Variants in MYO9B observed in about 807,000 individuals in gnomAD.
MYO9B encodes the protein unconventional myosin-IXb.
A neutral mutation model predicts 229.5 loss-of-function variants in MYO9B; 71 were observed. That is an observed-to-expected ratio of 0.31 (90% CI 0.26 to 0.38). The LOEUF is 0.38. Ranked by LOEUF, MYO9B falls within the 10% of genes least tolerant of loss-of-function variation. The pLI, the probability that MYO9B is intolerant of heterozygous loss-of-function variation, is 1.00. For synonymous variants in MYO9B, 1,185 were observed against 1,235.8 expected, an observed-to-expected ratio of 0.96 and a Z score of 0.86; for missense variants, 2,255 against 2,920.5, an observed-to-expected ratio of 0.77 and a Z score of 5.25.
At chr19:17,149,727 T>C (rs2072456219) in intron 3 of MYO9B, among the ~76,000 whole-genome samples, 1 of 152,164 alleles carries the variant, frequency 6.6e-6, no homozygotes, top group African/African-American at 2.4e-5. Context: ...AGTTCTCCAA[T>C]TTATGAGGCT....
chr19:17,121,463 A>ATC (rs1555803531), intron 2 of MYO9B, among the ~76,000 whole-genome samples: 7 of 149,904 alleles, frequency 4.7e-5, no homozygotes, highest in African/African-American at 1.5e-4. Context: ...ATATATATAT[A>ATC]TCCAAGAGCT....
rs1346957954 is a variant in MYO9B at position 17,211,651 on chromosome 19, G to A, written c.5935G>A (p.Asp1979Asn). ...RIQSIKEEKE[D>N]ITYRLPELDP... ...CCACTACCCTTTTTCCTCCAGGGAG[G>A]ACATCACCTACCGGCTGCCGGAGCT... Residue 1979 changes from aspartate to asparagine, a missense_variant, in exon 39 of 40, where the codon GAC becomes AAC. Around this residue, in one of 7 missense-constraint regions of MYO9B, gnomAD observed 331 missense variants for 332.5 expected, o/e 1.00. Coordinates refer to ENST00000682292, the MANE Select transcript of MYO9B (RefSeq NM_004145.4). The A allele has an allele frequency of 1.2e-6, 2 of 1,602,820 alleles. No homozygotes were observed. The highest frequency in any genetic ancestry group is 1.1e-5 in the South Asian group (1 of 90,282).
chr19:17,159,439 G>T lies in MYO9B; in HGVS notation c.1374G>T (p.Thr458=). The T allele has an allele frequency of 6.2e-7, 1 of 1,610,828 alleles. No individual in the cohort carries two copies. The highest frequency in any genetic ancestry group is 1.1e-5 in the South Asian group (1 of 90,210). ...TGGAGGTTCTGACCAAAAGAAAAAC[G>T]GTGACCGTCAACGACAAGCTTATCC... ...ILVEVLTKRK[T]VTVNDKLILP... Residue 458 remains threonine, a synonymous_variant, in exon 8 of 40, where the codon ACG becomes ACT. Coordinates refer to ENST00000682292, the MANE Select transcript of MYO9B (RefSeq NM_004145.4).
chr19:17,162,932 G>C (rs561376717), intron 9 of MYO9B, 56 bp from the exon 10 acceptor site: 41 of 1,570,992 alleles, frequency 2.6e-5, no homozygotes, highest in Non-Finnish European at 3.4e-5. Context: ...TCTCATGAAG[G>C]CTGGCTCCCT....
At chr19:17,086,865 G>A (rs987281140) in intron 1 of MYO9B, among the ~76,000 whole-genome samples, 5 of 127,784 alleles carry the variant, frequency 3.9e-5, no homozygotes, top group Non-Finnish European at 8.0e-5. Flanking sequence ...GGAAAACAGA[G>A]CAAGACTTCG....
At chr19:17,078,761 C>T (rs888177731) in intron 1 of MYO9B, among the ~76,000 whole-genome samples, 2 of 152,306 alleles carry the variant, frequency 1.3e-5, no homozygotes, top group South Asian at 4.1e-4. Context: ...ATTGCACAAG[C>T]AGATACCTTT....
chr19:17,179,909 T>A (rs115977918), intron 14 of MYO9B, among the ~76,000 whole-genome samples: 12,926 of 144,622 alleles, frequency 0.089, 951 homozygotes, highest in African/African-American at 0.22. Flanking sequence ...CAAAAAAAAA[T>A]AAAATAAAAA....
rs767864820 is a variant in MYO9B, at chr19:17,200,663, A to G, written c.4397A>G (p.His1466Arg). The change falls in exon 26 of 40, where the codon CAC (histidine) becomes CGC (arginine). Residue 1466 changes from histidine (H) to arginine (R), a missense_variant. By Grantham distance (29) the His-to-Arg change is conservative. Around this residue, in one of 7 missense-constraint regions of MYO9B, gnomAD observed 679 missense variants for 770.2 expected, o/e 0.88. Coordinates refer to ENST00000682292, the MANE Select transcript of MYO9B (RefSeq NM_004145.4). The stretch of plus-strand genomic sequence containing the variant: ...GCCCCCTCCGGACAGCAGCATCGCC[A>G]CGCTGCAGGTGAGAAGCGCACCAAG... ...LEAPSGQQHR[H>R]AAGEKRTKEP... The G allele has an allele frequency of 1.2e-6, 2 of 1,613,842 alleles. No homozygotes were observed. The highest frequency in any genetic ancestry group is 1.1e-5 in the South Asian group (1 of 91,078).
chr19:17,209,353 ACT>A (rs1284616519), intron 35 of MYO9B, among the ~76,000 whole-genome samples: 1 of 152,174 alleles, frequency 6.6e-6, no homozygotes, highest in Non-Finnish European at 1.5e-5. Context: ...GGTTCAGTTC[ACT>A]CTGACCCTCC....
rs747227329 is a variant in MYO9B, at chr19:17,195,490, C to G, written c.4046+17C>G. The G allele has an allele frequency of 1.2e-5, 19 of 1,575,226 alleles. No homozygotes were observed. Among genetic ancestry groups the G allele is most frequent in the Non-Finnish European group, 1.6e-5 (19 of 1,168,094 alleles). On this transcript the variant is annotated intron_variant, in intron 22 of 39. Coordinates refer to ENST00000682292, the MANE Select transcript of MYO9B (RefSeq NM_004145.4). The surrounding 1 kb of genome is among the most constrained non-coding windows in gnomAD (Gnocchi z 4.5). ...GCCCACAGAGTAAGCCCCACACCCT[C>G]TTTTGTCTGAGCACCAGGGTCCAGG...
At position 17,212,339 on chromosome 19, in the gene MYO9B, C is replaced by T. The variant is rs1015200014; in HGVS notation, c.*29C>T. ...CCACAGCTGACAAAGTCTGCATGTC[C>T]GAGGACGGCCCCTGCACTGGAGCTG... On this transcript the variant is annotated 3_prime_UTR_variant, in exon 40 of 40. Coordinates refer to ENST00000682292, the MANE Select transcript of MYO9B (RefSeq NM_004145.4). This position sits in a 1 kb window ranked among gnomAD's most constrained non-coding sequence, Gnocchi z 5.4. The T allele has an allele frequency of 9.0e-6, 13 of 1,446,388 alleles. No homozygotes were observed. The highest frequency in any genetic ancestry group is 2.5e-5 in the East Asian group (1 of 39,380). The allele number at this position is 1,446,388 out of a possible 1,614,324, so 89.6% of individuals were successfully genotyped here.
intron 10 of MYO9B, among the ~76,000 whole-genome samples, chr19:17,164,634 G>T (rs2072639601): frequency 6.6e-6 from 1 of 152,148 alleles, no homozygotes; most frequent in Non-Finnish European, 1.5e-5. Flanking sequence ...AGCCCACCTT[G>T]GCCTTCCAAA....
chr19:17,172,460 G>C lies in MYO9B; in HGVS notation c.1918G>C (p.Val640Leu). 6.2e-7 allele frequency: 1 copy of C among 1,613,816 alleles called. No individual in the cohort carries two copies. The highest frequency in any genetic ancestry group is 8.5e-7 in the Non-Finnish European group (1 of 1,179,818). ...CATCATCCAGCACTTCGCAGGGAAG[G>C]TGAAATATCAGATCAAGGTAGGTGT... ...AFIIQHFAGK[V>L]KYQIKDFREK... Residue 640 changes from valine (V) to leucine (L), a missense_variant, in exon 12 of 40, where the codon GTG (valine) becomes CTG (leucine). By Grantham distance (32) the Val-to-Leu change is conservative (BLOSUM62 1). This residue lies in a region of MYO9B where 220 missense variants were observed against 404.5 expected (regional missense o/e 0.54). Transcript: ENST00000682292. This position sits in a 1 kb window ranked among gnomAD's most constrained non-coding sequence, Gnocchi z 8.2.
intron 1 of MYO9B, among the ~76,000 whole-genome samples, chr19:17,092,313 G>A (rs1214820680): frequency 6.6e-6 from 1 of 152,234 alleles, no homozygotes; most frequent in Admixed American, 6.5e-5. Context: ...AAAAGTGAAC[G>A]TCACAGGACG....
intron 15 of MYO9B, 138 bp downstream of exon 15, chr19:17,181,178 C>T: frequency 3.4e-6 from 2 of 589,842 alleles, no homozygotes; most frequent in South Asian, 4.3e-5. Flanking sequence ...CCACCCCCAG[C>T]CATCACTAAA....
intron 2 of MYO9B, among the ~76,000 whole-genome samples, chr19:17,126,585 C>T (rs2058021485): frequency 6.6e-6 from 1 of 152,140 alleles, no homozygotes; most frequent in Non-Finnish European, 1.5e-5. Flanking sequence ...GGCTGTGTGC[C>T]AGGAAAACGT....
At chr19:17,158,309 C>T (rs577080533) in intron 7 of MYO9B, among the ~76,000 whole-genome samples, 2 of 152,154 alleles carry the variant, frequency 1.3e-5, no homozygotes, top group Non-Finnish European at 2.9e-5. Flanking sequence ...CGGTGGCTCA[C>T]GCCTGTAATC....
chr19:17,121,047 A>G (rs1274476572), intron 2 of MYO9B, among the ~76,000 whole-genome samples: 1 of 152,080 alleles, frequency 6.6e-6, no homozygotes, highest in Non-Finnish European at 1.5e-5. Flanking sequence ...GACTCAAGCG[A>G]TCCTCCCACC....
At chr19:17,098,549 C>T (rs1404348725) in intron 1 of MYO9B, among the ~76,000 whole-genome samples, 2 of 152,190 alleles carry the variant, frequency 1.3e-5, no homozygotes, top group Non-Finnish European at 2.9e-5. Flanking sequence ...ACTCATGCCG[C>T]ATTTATGGCT....
Sources: allele counts gnomAD v4.1 joint callset (sites outside exome capture counted in the v4.1 genomes callset), GRCh38; gene constraint gnomAD v4.1.1; regional missense constraint gnomAD v4.1.1; non-coding constraint Gnocchi (gnomAD v3.1); transcripts MANE v1.5; gene names NCBI Gene and HGNC (gene_info 2026-07-23, HGNC 2026-07-21).